BCR: variants seen among roughly 807,000 people sequenced by gnomAD.
BCR encodes BCR activator of RhoGEF and GTPase.
BCR carries 58 observed loss-of-function variants against 138.6 expected under a neutral mutation model. The ratio of observed to expected loss-of-function variants is 0.42; its 90% CI spans 0.34 to 0.52. The LOEUF (loss-of-function observed/expected upper bound fraction) is 0.52. Ranked by LOEUF, BCR falls within the 20% of genes least tolerant of loss-of-function variation. BCR has a pLI of 0.06. For synonymous variants in BCR, 786 were observed against 730.1 expected, an observed-to-expected ratio of 1.08 and a Z score of -1.23; for missense variants, 1,599 against 1,727.2, an observed-to-expected ratio of 0.93 and a Z score of 1.32.
At chr22:23,195,055 AC>A (rs931371313) in intron 1 of BCR, among the ~76,000 whole-genome samples, 2 of 151,460 alleles carry the variant, frequency 1.3e-5, no homozygotes, top group Non-Finnish European at 1.5e-5. Context: ...GGCAGGCAGA[AC>A]ATCTGAGGTC....
At chr22:23,295,602 A>G (rs539409470) in intron 16 of BCR, among the ~76,000 whole-genome samples, 12 of 152,074 alleles carry the variant, frequency 7.9e-5, no homozygotes, top group African/African-American at 2.4e-4. Flanking sequence ...TCTAGACCCA[A>G]TTTCTAGGGT....
At chr22:23,229,862 G>A (rs780047758) in intron 1 of BCR, among the ~76,000 whole-genome samples, 34 of 152,146 alleles carry the variant, frequency 2.2e-4, no homozygotes, top group Non-Finnish European at 4.1e-4. Flanking sequence ...ATTTGGTGGC[G>A]CTTGGTTAGT....
intron 1 of BCR, among the ~76,000 whole-genome samples, chr22:23,202,351 T>C (rs1891971976): frequency 6.6e-6 from 1 of 152,176 alleles, no homozygotes; most frequent in African/African-American, 2.4e-5. Flanking sequence ...CCACTAAAAA[T>C]TAAAATTATG....
rs369774150 is a variant in BCR at position 23,257,330 on chromosome 22, C to T, written c.1461+3350C>T. 7.9e-5 allele frequency among the ~76,000 whole-genome samples: 12 copies of T among 152,376 alleles called. No homozygotes were observed. The East Asian group carries it at 1.9e-3, about 24-fold the overall frequency. ...GGAGGGAGAGCCAGATTCTGCCTTCCTGCCTGTGCTGTTTTTCCTCCTGGC... is the reference window on the plus strand; with the variant it reads ...GGAGGGAGAGCCAGATTCTGCCTTCTTGCCTGTGCTGTTTTTCCTCCTGGC... On this transcript the variant is annotated intron_variant, in intron 2 of 22. Transcript: ENST00000305877.
chr22:23,273,668 A>G lies in BCR; in HGVS notation c.2009A>G (p.Asp670Gly). Residue 670 changes from aspartate (D) to glycine (G), a missense_variant, in exon 8 of 23, where the codon GAC (aspartate) becomes GGC (glycine). By Grantham distance (94) the Asp-to-Gly change is moderately conservative. Around this residue, in one of 4 missense-constraint regions of BCR, gnomAD observed 590 missense variants for 762.4 expected, o/e 0.77. Coordinates refer to ENST00000305877, the MANE Select transcript of BCR (RefSeq NM_004327.4). The stretch of plus-strand genomic sequence containing the variant: ...AAGCACACTCCTGCCAGCCACCCTG[A>G]CCACCCCTTGCTGCAGGACGCCCTC... ...LLKHTPASHP[D>G]HPLLQDALRI... 1 of 1,613,964 alleles carries G rather than the reference A, an allele frequency of 6.2e-7. No homozygotes were observed. The highest frequency in any genetic ancestry group is 8.5e-7 in the Non-Finnish European group (1 of 1,180,026).
At chr22:23,263,359 A>G in intron 4 of BCR, 1 of 1,214,932 alleles carries the variant, frequency 8.2e-7, no homozygotes, top group Non-Finnish European at 1.2e-6. Flanking sequence ...GCCTCGCTCA[A>G]CTCCGGCTTC....
chr22:23,316,195 ACC>A lies in BCR; in HGVS notation c.*677_*678del, dbSNP rs1199552970. ...GGCCTGTGAAATGTCAGGGGACAGG[ACC>A]CCCAGGGAGGGAACCCCAGGCTACG... On this transcript the variant is annotated 3_prime_UTR_variant, in exon 23 of 23. Transcript: ENST00000305877. 1 of 163,828 alleles carries A rather than the reference ACC, an allele frequency of 6.1e-6. No individual in the cohort carries two copies. Among genetic ancestry groups the A allele is most frequent in the Non-Finnish European group, 1.1e-5 (1 of 90,076 alleles). The allele number at this position is 163,828 out of a possible 1,614,324, so 10.1% of individuals were successfully genotyped here.
chr22:23,287,375 T>C, intron 11 of BCR, 97 bp downstream of exon 11: 3 of 1,432,662 alleles, frequency 2.1e-6, no homozygotes, highest in Non-Finnish European at 2.7e-6. Flanking sequence ...TGCGCCCCAC[T>C]CTGAGAGAGG....
In BCR at chr22:23,261,230, TTTG is replaced by T. The variant is rs1449417966; in HGVS notation, c.1567-122_1567-120del. ...AAACCAAGCTGGTTTTAAAATTGTA[TTTG>T]TTATGTGATTTAAAAATAAAAGTGC... is the stretch of plus-strand genomic sequence containing the variant. On this transcript the variant is annotated intron_variant, in intron 3 of 22. Transcript: ENST00000305877. 1.1e-5 allele frequency: 14 copies of T among 1,299,576 alleles called. No individual in the cohort carries two copies. The African/African-American group carries it at 1.5e-4, about 14-fold the overall frequency. 80.5% of individuals were successfully genotyped at this position (1,299,576 alleles called of 1,614,324 possible).
intron 1 of BCR, among the ~76,000 whole-genome samples, chr22:23,213,354 G>A (rs560008836): frequency 6.6e-6 from 1 of 152,278 alleles, no homozygotes; most frequent in African/African-American, 2.4e-5. Context: ...TGCAGGAGTC[G>A]GGCTGGGCTG....
At chr22:23,300,269 C>T (rs969314118) in intron 16 of BCR, among the ~76,000 whole-genome samples, 2 of 152,178 alleles carry the variant, frequency 1.3e-5, no homozygotes, top group African/African-American at 2.4e-5. Flanking sequence ...TGTGGATTTG[C>T]CTACTCTAGC....
chr22:23,241,712 CT>C (rs2073094454), intron 1 of BCR, among the ~76,000 whole-genome samples: 4 of 152,146 alleles, frequency 2.6e-5, no homozygotes, highest in East Asian at 1.9e-4. Context: ...GTCAGTGCCC[CT>C]GCCTGCGTTT....
intron 14 of BCR, among the ~76,000 whole-genome samples, 180 bp from the exon 15 acceptor site, chr22:23,292,361 C>T (rs1376466385): frequency 6.6e-6 from 1 of 152,224 alleles, no homozygotes; most frequent in Admixed American, 6.5e-5. Context: ...AGGGGCATCG[C>T]ATGAGGTGCT....
chr22:23,210,192 G>A (rs1335205071), intron 1 of BCR, among the ~76,000 whole-genome samples: 1 of 152,058 alleles, frequency 6.6e-6, no homozygotes, highest in Non-Finnish European at 1.5e-5. Flanking sequence ...GAGGCAGGAG[G>A]ATTGCTTGAG....
At chr22:23,261,939 A>G (rs1300336105) in intron 4 of BCR, 1 of 163,696 alleles carries the variant, frequency 6.1e-6, no homozygotes, top group Non-Finnish European at 1.3e-5. Flanking sequence ...GACTCCTGGG[A>G]GGTCACCATA....
At chr22:23,219,938 C>T (rs1439373766) in intron 1 of BCR, among the ~76,000 whole-genome samples, 1 of 152,178 alleles carries the variant, frequency 6.6e-6, no homozygotes, top group Non-Finnish European at 1.5e-5. Context: ...TGTGCACCGC[C>T]TTCTCGCCTC....
intron 8 of BCR, among the ~76,000 whole-genome samples, chr22:23,278,393 G>A (rs566452390): frequency 1.3e-5 from 2 of 152,162 alleles, no homozygotes; most frequent in African/African-American, 2.4e-5. Context: ...GGTGAGGCTC[G>A]GGCAGAGGAG....
intron 1 of BCR, among the ~76,000 whole-genome samples, chr22:23,220,722 G>A (rs897988322): frequency 9.2e-5 from 14 of 152,070 alleles, no homozygotes; most frequent in African/African-American, 2.9e-4. Context: ...GCTGGGCAAC[G>A]ATCCTCTCTG....
intron 8 of BCR, among the ~76,000 whole-genome samples, chr22:23,279,650 C>T (rs2073620000): frequency 1.3e-5 from 2 of 152,266 alleles, no homozygotes; most frequent in South Asian, 4.1e-4. Context: ...TTCTCCACTT[C>T]CTCAGCTGCT....
Sources: gnomAD v4.1 joint callset for allele counts (sites outside exome capture counted in the v4.1 genomes callset) on GRCh38, gnomAD v4.1.1 for gene constraint, gnomAD v4.1.1 regional missense constraint, MANE v1.5 for transcripts, NCBI Gene and HGNC (gene_info 2026-07-23, HGNC 2026-07-21) for gene names.